DOCK1: variants seen among roughly 807,000 people sequenced by gnomAD.
DOCK1 encodes dedicator of cytokinesis protein 1.
DOCK1 carries 138 observed loss-of-function variants against 262.7 expected under a neutral mutation model. That is an observed-to-expected ratio of 0.53 (90% CI 0.46 to 0.61). The LOEUF (loss-of-function observed/expected upper bound fraction) is 0.61, where lower values mean the gene tolerates loss of function less well. Among genes scored for constraint, DOCK1 ranks in the 20% least tolerant of loss-of-function variants. The pLI is 0.00. For missense variants in DOCK1, 1,908 were observed against 2,370.7 expected, an observed-to-expected ratio of 0.80 and a Z score of 4.05; for synonymous variants, 866 against 867.4, an observed-to-expected ratio of 1.00 and a Z score of 0.03.
intron 23 of DOCK1, among the ~76,000 whole-genome samples, chr10:127,078,539 T>C (rs1349885108): frequency 6.6e-6 from 1 of 152,156 alleles, no homozygotes; most frequent in African/African-American, 2.4e-5. Flanking sequence ...ATTCTGTGTA[T>C]GCGCAATGTA....
At chr10:127,187,209 G>A (rs1008288540) in intron 27 of DOCK1, among the ~76,000 whole-genome samples, 29 of 152,178 alleles carry the variant, frequency 1.9e-4, no homozygotes, top group African/African-American at 5.1e-4. Flanking sequence ...ATATTCCTGC[G>A]TTTGCCTCTA....
At chr10:127,417,900 G>A (rs1004255698) in intron 44 of DOCK1, among the ~76,000 whole-genome samples, 3 of 152,078 alleles carry the variant, frequency 2.0e-5, no homozygotes, top group Admixed American at 2.0e-4. Context: ...ACATGATGGT[G>A]TGTGGTGCCA....
At chr10:127,261,172 C>T (rs2060064975) in intron 29 of DOCK1, among the ~76,000 whole-genome samples, 1 of 112,312 alleles carries the variant, frequency 8.9e-6, no homozygotes, top group Non-Finnish European at 1.7e-5. Flanking sequence ...TGTGTGTGTC[C>T]CTGCATGTGT....
chr10:127,290,156 T>C (rs1354166892), intron 29 of DOCK1, among the ~76,000 whole-genome samples: 1 of 152,180 alleles, frequency 6.6e-6, no homozygotes, highest in African/African-American at 2.4e-5. Flanking sequence ...AAGTCAGTCT[T>C]GTTTTATGAT....
At chr10:127,361,376 A>C (rs764927283) in intron 32 of DOCK1, among the ~76,000 whole-genome samples, 2 of 152,090 alleles carry the variant, frequency 1.3e-5, no homozygotes, top group Non-Finnish European at 2.9e-5. Context: ...GGCCTCCCAA[A>C]GTGCTGGGAT....
chr10:127,073,527 A>G (rs1336800717), intron 23 of DOCK1, among the ~76,000 whole-genome samples: 2 of 152,242 alleles, frequency 1.3e-5, no homozygotes, highest in Non-Finnish European at 2.9e-5. Flanking sequence ...AGGATTTAGA[A>G]GGTATCCTCC....
At chr10:127,146,008 T>A (rs1241800613) in intron 27 of DOCK1, 1 of 517,670 alleles carries the variant, frequency 1.9e-6, no homozygotes. Flanking sequence ...AATTCCCTAG[T>A]CACTCTATTC....
chr10:127,397,856 C>G (rs2067002239), intron 38 of DOCK1, among the ~76,000 whole-genome samples: 1 of 152,066 alleles, frequency 6.6e-6, no homozygotes, highest in African/African-American at 2.4e-5. Flanking sequence ...TGTGCATGTC[C>G]TGGGTAGTGG....
At chr10:127,051,418 A>G (rs4751475) in intron 21 of DOCK1, among the ~76,000 whole-genome samples, 1 of 152,050 alleles carries the variant, frequency 6.6e-6, no homozygotes, top group Admixed American at 6.6e-5. Context: ...TATTTGAAAG[A>G]CCATTTGTAA....
At chr10:127,395,626 T>C (rs984535061) in intron 38 of DOCK1, among the ~76,000 whole-genome samples, 1 of 152,248 alleles carries the variant, frequency 6.6e-6, no homozygotes, top group Non-Finnish European at 1.5e-5. Context: ...CATTTTCCTC[T>C]TTTCAGGGGG....
chr10:127,189,978 G>A lies in DOCK1; in HGVS notation c.2848-58030G>A, dbSNP rs887936508. ...GACAGACATCTCCTTCTCTCATGCT[G>A]GCCCGATGAACTCTCCAGTTTTTTT... On this transcript the variant is annotated intron_variant, in intron 27 of 51. Coordinates refer to ENST00000623213, the MANE Select transcript of DOCK1 (RefSeq NM_001290223.2). Among the ~76,000 whole-genome samples, 5 of 152,284 alleles carry A rather than the reference G, an allele frequency of 3.3e-5. No homozygotes were observed. The East Asian group carries it at 7.7e-4, about 24-fold the overall frequency.
At chr10:127,211,973 C>G (rs2057999721) in intron 27 of DOCK1, among the ~76,000 whole-genome samples, 1 of 152,178 alleles carries the variant, frequency 6.6e-6, no homozygotes, top group African/African-American at 2.4e-5. Flanking sequence ...AAGATTTAAA[C>G]CTGCAAATAA....
intron 10 of DOCK1, among the ~76,000 whole-genome samples, chr10:127,007,124 T>C (rs548058359): frequency 6.6e-6 from 1 of 152,246 alleles, no homozygotes; most frequent in African/African-American, 2.4e-5. Flanking sequence ...CATTTGATGT[T>C]GCAAGTTATT....
intron 29 of DOCK1, among the ~76,000 whole-genome samples, chr10:127,303,189 G>A (rs955184155): frequency 2.0e-4 from 31 of 152,160 alleles, no homozygotes; most frequent in African/African-American, 6.5e-4. Context: ...AACAACCTGG[G>A]TGGGGCAGGT....
chr10:126,950,180 G>A (rs1197187753), intron 1 of DOCK1, among the ~76,000 whole-genome samples: 1 of 152,096 alleles, frequency 6.6e-6, no homozygotes, highest in South Asian at 2.1e-4. Flanking sequence ...TCCATGGTAA[G>A]GGGCTAATAG....
At position 127,286,857 on chromosome 10, in the gene DOCK1, ACTTTTTTT is replaced by A. The variant is rs2061171461; in HGVS notation, c.3044+29437_3044+29444del. Among the ~76,000 whole-genome samples, 3 of 148,484 alleles carry A rather than the reference ACTTTTTTT, an allele frequency of 2.0e-5. No individual in the cohort carries two copies. In the East Asian group the frequency reaches 5.9e-4, roughly 29 times the overall value. ...CGATAATCTTTAGGTTGACACCCCT[ACTTTTTTT>A]CTTTTTTTTTTTCTTTTTGTTTTTT... On this transcript the variant is annotated intron_variant, in intron 29 of 51. Coordinates refer to ENST00000623213, the MANE Select transcript of DOCK1 (RefSeq NM_001290223.2).
intron 22 of DOCK1, among the ~76,000 whole-genome samples, 189 bp from the exon 23 acceptor site, chr10:127,061,479 C>T (rs4751523): frequency 0.18 from 26,960 of 152,200 alleles, 2,535 homozygotes; most frequent in South Asian, 0.32. Context: ...TGTGGAGGCA[C>T]GCTGCCTTGG....
intron 27 of DOCK1, among the ~76,000 whole-genome samples, chr10:127,164,159 C>CTTTTTTT (rs528947051): frequency 1.6e-5 from 1 of 63,520 alleles, no homozygotes; most frequent in African/African-American, 6.1e-5. Flanking sequence ...CATTTGCCTC[C>CTTTTTTT]TTTTTTTTTT....
intron 1 of DOCK1, among the ~76,000 whole-genome samples, chr10:126,949,454 G>T (rs2035981997): frequency 6.6e-6 from 1 of 152,146 alleles, no homozygotes; most frequent in Non-Finnish European, 1.5e-5. Flanking sequence ...AGTCCAAAGT[G>T]GGTAGGTGTG....
Sources: gnomAD v4.1 joint callset for allele counts (sites outside exome capture counted in the v4.1 genomes callset) on GRCh38, gnomAD v4.1.1 for gene constraint, MANE v1.5 for transcripts, NCBI Gene and HGNC (gene_info 2026-07-23, HGNC 2026-07-21) for gene names.